The following INIP variants were observed in gnomAD, a reference collection of about 807,000 sequenced individuals.
INIP encodes SOSS complex subunit C.
In INIP, 9 loss-of-function variants were observed where a neutral mutation model predicts 14.0. The observed-to-expected ratio is 0.64, with a 90% confidence interval of 0.39 to 1.12. The LOEUF (loss-of-function observed/expected upper bound fraction) is 1.12. Among genes scored for constraint, INIP ranks in the 50% most tolerant of loss-of-function variants. The probability of loss-of-function intolerance (pLI) is 0.01; values close to 1 mark genes in which losing one functional copy is unlikely to be tolerated. For synonymous variants in INIP, 37 were observed against 41.5 expected, an observed-to-expected ratio of 0.89 and a Z score of 0.41; for missense variants, 78 against 122.7, an observed-to-expected ratio of 0.64 and a Z score of 1.72.
At chr9:112,713,418 C>T (rs571418257) in intron 2 of INIP, among the ~76,000 whole-genome samples, 1 of 152,310 alleles carries the variant, frequency 6.6e-6, no homozygotes, top group Non-Finnish European at 1.5e-5. Context: ...AGTGGCCCAG[C>T]ATGGTGGCTC....
At chr9:112,710,037 T>C (rs1311097237) in intron 2 of INIP, among the ~76,000 whole-genome samples, 1 of 152,260 alleles carries the variant, frequency 6.6e-6, no homozygotes, top group Non-Finnish European at 1.5e-5. Flanking sequence ...AATTTTCAGA[T>C]GCTATTTATG....
chr9:112,715,514 C>T (rs1278614299), intron 2 of INIP, among the ~76,000 whole-genome samples: 1 of 152,184 alleles, frequency 6.6e-6, no homozygotes, highest in Non-Finnish European at 1.5e-5. Context: ...TGGCTCATGC[C>T]TGTAATCCCA....
rs376380195 is a variant in INIP at position 112,689,571 on chromosome 9, C to T, written c.175G>A (p.Ala59Thr). Residue 59 changes from alanine to threonine, a missense_variant, in exon 4 of 5, where the codon GCT (alanine) becomes ACT (threonine). By Grantham distance (58) the Ala-to-Thr change is moderately conservative. Transcript: ENST00000374242. ...PSLNKDFRDH[A>T]EQQHIAAQQK... ...TGGGCTGCAATATGCTGCTGCTCAG[C>T]GTGATCCCGGAAGTCCTTATTAAGA... is the stretch of plus-strand genomic sequence containing the variant. The T allele has an allele frequency of 5.6e-6, 9 of 1,614,022 alleles. No homozygotes were observed. The highest frequency in any genetic ancestry group is 5.3e-5 in the African/African-American group (4 of 74,920).
intron 2 of INIP, among the ~76,000 whole-genome samples, chr9:112,709,430 C>T (rs1182059353): frequency 1.3e-5 from 2 of 152,062 alleles, no homozygotes; most frequent in African/African-American, 4.8e-5. Context: ...CGTGGGTTCT[C>T]ACCTCAGCAC....
At chr9:112,695,346 T>C (rs1412822797) in intron 2 of INIP, among the ~76,000 whole-genome samples, 1 of 151,714 alleles carries the variant, frequency 6.6e-6, no homozygotes, top group Non-Finnish European at 1.5e-5. Flanking sequence ...GAAAGCACAT[T>C]TTCCAAGCAG....
At chr9:112,696,405 A>C (rs1008485611) in intron 2 of INIP, among the ~76,000 whole-genome samples, 1 of 152,270 alleles carries the variant, frequency 6.6e-6, no homozygotes, top group East Asian at 1.9e-4. Context: ...CTACTCAAGG[A>C]AAGATTTAAT....
At chr9:112,704,959 A>T (rs1838410812) in intron 2 of INIP, among the ~76,000 whole-genome samples, 1 of 151,966 alleles carries the variant, frequency 6.6e-6, no homozygotes, top group African/African-American at 2.4e-5. Flanking sequence ...AAAATAAGAA[A>T]AATTAGCTGG....
At chr9:112,694,000 G>A (rs1057288399) in intron 3 of INIP, 131 bp downstream of exon 3, 9 of 493,988 alleles carry the variant, frequency 1.8e-5, no homozygotes, top group East Asian at 1.2e-4. Context: ...GCTAGAACCC[G>A]GGAGGCGGAG....
Position 112,685,284 on chromosome 9 carries a change from G to T in INIP, c.*2254C>A, listed in dbSNP as rs550210133. ...TTTTAATTTTTTAGTAGAGACAGGG[G>T]TCTCACTATGTTGCCTAGGCTGTGG... is the stretch of plus-strand genomic sequence containing the variant. On this transcript the variant is annotated 3_prime_UTR_variant, in exon 5 of 5. Coordinates refer to ENST00000374242, the MANE Select transcript of INIP (RefSeq NM_021218.3). 11 of 151,228 alleles carry T rather than the reference G, an allele frequency of 7.3e-5. No homozygotes were observed. The East Asian group carries it at 2.1e-3, about 29-fold the overall frequency. The allele number at this position is 151,228 out of a possible 1,614,324, so 9.4% of individuals were successfully genotyped here.
chr9:112,717,120 G>A (rs1165765912), intron 1 of INIP, among the ~76,000 whole-genome samples: 1 of 152,008 alleles, frequency 6.6e-6, no homozygotes, highest in African/African-American at 2.4e-5. Context: ...TTTAATAAAC[G>A]TCATTAGGTT....
rs539205836 is a variant in INIP at position 112,699,290 on chromosome 9, G to A, written c.26-5057C>T. On this transcript the variant is annotated intron_variant, in intron 2 of 4. Transcript: ENST00000374242. ...TGGGCCACTGCACTCTGGCCTGTGC[G>A]GCAGAGCAAGACCCTGTCTCTAAAA... 3.1e-3 allele frequency among the ~76,000 whole-genome samples: 474 copies of A among 151,866 alleles called. 4 individuals are homozygous for A. The highest frequency in any genetic ancestry group is 8.4e-3 in the African/African-American group (347 of 41,418).
chr9:112,687,334 A>G lies in INIP; in HGVS notation c.*204T>C, dbSNP rs950369991. 2 of 466,708 alleles carry G rather than the reference A, an allele frequency of 4.3e-6. No individual in the cohort carries two copies. Among genetic ancestry groups the G allele is most frequent in the African/African-American group, 1.9e-5 (1 of 51,378 alleles). The allele number at this position is 466,708 out of a possible 1,614,324, so 28.9% of individuals were successfully genotyped here. A position where few individuals can be genotyped will look rare whatever the true frequency, so the allele number is the denominator to read the frequency against. On this transcript the variant is annotated 3_prime_UTR_variant, in exon 5 of 5. Coordinates refer to ENST00000374242, the MANE Select transcript of INIP (RefSeq NM_021218.3). The stretch of plus-strand genomic sequence containing the variant: ...AAGTTACAGTCACGGTACATAATCA[A>G]TTCCTTGGACGATACAGCTTCCACA...
intron 2 of INIP, among the ~76,000 whole-genome samples, chr9:112,708,807 C>G (rs1161031488): frequency 1.9e-4 from 29 of 151,852 alleles, no homozygotes; most frequent in Admixed American, 1.9e-3. Flanking sequence ...AGCGATCCTC[C>G]CACCTCAGCC....
At chr9:112,716,375 C>G (rs1234764834) in intron 2 of INIP, 86 bp downstream of exon 2, 13 of 1,212,996 alleles carry the variant, frequency 1.1e-5, no homozygotes, top group Non-Finnish European at 1.6e-5. Flanking sequence ...GCTACAGTAA[C>G]TGCCCTATGC....
intron 4 of INIP, 55 bp from the exon 5 acceptor site, chr9:112,687,688 C>A: frequency 9.7e-7 from 1 of 1,029,328 alleles, no homozygotes; most frequent in South Asian, 1.8e-5. Flanking sequence ...AGTCACAATT[C>A]TTCGACCAAG....
At chr9:112,695,943 A>C (rs1362330896) in intron 2 of INIP, among the ~76,000 whole-genome samples, 1 of 152,104 alleles carries the variant, frequency 6.6e-6, no homozygotes, top group Non-Finnish European at 1.5e-5. Context: ...ACTGGAGTGC[A>C]GTGGTGTGAT....
intron 2 of INIP, among the ~76,000 whole-genome samples, chr9:112,709,742 T>G (rs1427974671): frequency 6.6e-6 from 1 of 152,190 alleles, no homozygotes; most frequent in Admixed American, 6.5e-5. Context: ...CATGCAGCTT[T>G]CTAATTACAT....
rs558166147 is a variant in INIP at position 112,700,538 on chromosome 9, T to A, written c.26-6305A>T. Among the ~76,000 whole-genome samples, 428 of 122,182 alleles carry A rather than the reference T, an allele frequency of 3.5e-3. 3 individuals carry two copies. The highest frequency in any genetic ancestry group is 5.2e-3 in the Non-Finnish European group (306 of 59,106). The allele number at this position is 122,182 out of a possible 152,430, so 80.2% of individuals were successfully genotyped here. ...TAGGTATATATAATATATATATATA[T>A]TATATATACCTAATTATATTATATA... On this transcript the variant is annotated intron_variant, in intron 2 of 4. Coordinates refer to ENST00000374242, the MANE Select transcript of INIP (RefSeq NM_021218.3).
At chr9:112,701,631 TTG>T (rs1838302857) in intron 2 of INIP, among the ~76,000 whole-genome samples, 1 of 152,184 alleles carries the variant, frequency 6.6e-6, no homozygotes, top group African/African-American at 2.4e-5. Context: ...ACTCTCCCAT[TTG>T]TATATATACA....
Sources: gnomAD v4.1 joint callset for allele counts (sites outside exome capture counted in the v4.1 genomes callset) on GRCh38, gnomAD v4.1.1 for gene constraint, MANE v1.5 for transcripts, NCBI Gene and HGNC (gene_info 2026-07-23, HGNC 2026-07-21) for gene names.